MYO9A: variants seen among roughly 807,000 people sequenced by gnomAD.
MYO9A encodes the protein unconventional myosin-IXa.
Under a neutral mutation model 293.3 loss-of-function variants are expected in MYO9A, and 103 were observed. That is an observed-to-expected ratio of 0.35 (90% CI 0.30 to 0.41). MYO9A has a LOEUF of 0.41. Ranked by LOEUF, MYO9A falls within the 10% of genes least tolerant of loss-of-function variation. MYO9A has a pLI of 1.00. For missense variants in MYO9A, 2,685 were observed against 3,033.0 expected (o/e 0.89, Z 2.69); for synonymous variants, 1,001 against 1,035.7 (o/e 0.97, Z 0.64).
intron 19 of MYO9A, among the ~76,000 whole-genome samples, chr15:71,909,765 T>C (rs953329663): frequency 3.3e-5 from 5 of 152,184 alleles, no homozygotes; most frequent in Non-Finnish European, 7.4e-5. Flanking sequence ...CCCCTGTTAC[T>C]GTTGTGAAAT....
At chr15:72,080,350 C>A (rs1479837505) in intron 1 of MYO9A, among the ~76,000 whole-genome samples, 1 of 96,764 alleles carries the variant, frequency 1.0e-5, no homozygotes. Flanking sequence ...TTTTAATTTT[C>A]CTTGATAAGG....
chr15:71,888,226 A>T (rs1177151372), intron 26 of MYO9A, 110 bp from the exon 27 acceptor site: 7 of 553,622 alleles, frequency 1.3e-5, no homozygotes, highest in Non-Finnish European at 2.2e-5. Flanking sequence ...CACACAAAAC[A>T]TTGATATTAT....
Position 71,826,102 on chromosome 15 carries a change from G to C in MYO9A, c.*478C>G, listed in dbSNP as rs934401030. On this transcript the variant is annotated 3_prime_UTR_variant, in exon 42 of 42. Transcript: ENST00000356056. The stretch of plus-strand genomic sequence containing the variant: ...GAGGGATTAGGCTTTTTGTTTGTAA[G>C]TAAGTTTTTGGAAAAAAATTATATT... 6.9e-6 allele frequency: 1 copy of C among 145,934 alleles called. No homozygotes were observed. The highest frequency in any genetic ancestry group is 2.5e-5 in the African/African-American group (1 of 39,646). 9.0% of individuals were successfully genotyped at this position (145,934 alleles called of 1,614,324 possible).
At chr15:71,831,047 A>T (rs1372690619) in intron 39 of MYO9A, among the ~76,000 whole-genome samples, 1 of 150,706 alleles carries the variant, frequency 6.6e-6, no homozygotes. Flanking sequence ...TGGCAAACTA[A>T]ACTTTTTAGG....
intron 39 of MYO9A, among the ~76,000 whole-genome samples, chr15:71,842,041 G>T (rs2055185417): frequency 1.3e-5 from 2 of 152,028 alleles, no homozygotes; most frequent in African/African-American, 2.4e-5. Context: ...ATGGAGAGAG[G>T]TCCATAACAA....
chr15:71,970,279 T>C (rs2075976612), intron 12 of MYO9A, among the ~76,000 whole-genome samples: 1 of 152,118 alleles, frequency 6.6e-6, no homozygotes, highest in African/African-American at 2.4e-5. Flanking sequence ...CCTTCCTAAA[T>C]GCCACCCTAC....
At chr15:71,979,914 C>T (rs148518542) in intron 11 of MYO9A, among the ~76,000 whole-genome samples, 58 of 152,280 alleles carry the variant, frequency 3.8e-4, no homozygotes, top group African/African-American at 1.3e-3. Context: ...CCAGGTGATG[C>T]TGATGCTATT....
chr15:71,949,604 T>C (rs1291305514), intron 15 of MYO9A, among the ~76,000 whole-genome samples: 1 of 151,984 alleles, frequency 6.6e-6, no homozygotes, highest in East Asian at 1.9e-4. Context: ...CAAACTTGCA[T>C]AGCTCAGCTA....
intron 11 of MYO9A, among the ~76,000 whole-genome samples, chr15:71,979,298 C>T (rs1015627096): frequency 8.5e-5 from 13 of 152,200 alleles, no homozygotes; most frequent in Admixed American, 1.3e-4. Flanking sequence ...ATAAAGGTCA[C>T]TCCCCAATGG....
At chr15:71,958,640 A>G (rs1233959158) in intron 14 of MYO9A, 1 of 152,114 alleles carries the variant, frequency 6.6e-6, no homozygotes, top group Non-Finnish European at 1.5e-5. Flanking sequence ...TGAACTATAC[A>G]TTTTTGCTTT....
intron 1 of MYO9A, among the ~76,000 whole-genome samples, chr15:72,079,532 A>G (rs1475225673): frequency 6.6e-6 from 1 of 152,220 alleles, no homozygotes; most frequent in Non-Finnish European, 1.5e-5. Flanking sequence ...GCAAGGTGAC[A>G]TATGGTCTAC....
chr15:71,979,846 C>G (rs550512435), intron 11 of MYO9A, among the ~76,000 whole-genome samples: 2 of 152,256 alleles, frequency 1.3e-5, no homozygotes, highest in South Asian at 4.2e-4. Flanking sequence ...GACTCCATCC[C>G]CAGAATTTCT....
chr15:72,059,428 T>C (rs1217767873), intron 1 of MYO9A, among the ~76,000 whole-genome samples: 1 of 152,258 alleles, frequency 6.6e-6, no homozygotes, highest in African/African-American at 2.4e-5. Flanking sequence ...ACATGACTTC[T>C]GTGACTTCAC....
chr15:71,904,514 G>A (rs542686919), intron 20 of MYO9A, among the ~76,000 whole-genome samples: 5 of 152,256 alleles, frequency 3.3e-5, no homozygotes, highest in South Asian at 4.1e-4. Flanking sequence ...TTAGCCGGGC[G>A]TGGTGGTGCA....
intron 12 of MYO9A, among the ~76,000 whole-genome samples, chr15:71,977,742 T>TA (rs1368306019): frequency 2.0e-5 from 3 of 151,024 alleles, no homozygotes; most frequent in Non-Finnish European, 3.0e-5. Context: ...CACACAGATA[T>TA]AAAAAAAAAT....
At chr15:71,912,358 C>T (rs1372658379) in intron 19 of MYO9A, among the ~76,000 whole-genome samples, 12 of 151,742 alleles carry the variant, frequency 7.9e-5, no homozygotes, top group Admixed American at 4.6e-4. Flanking sequence ...TGGGTTCAAG[C>T]GATTCTCCTG....
chr15:71,897,481 C>T lies in MYO9A; in HGVS notation c.5022G>A (p.Lys1674=). 1 of 1,612,640 alleles carries T rather than the reference C, an allele frequency of 6.2e-7. No homozygotes were observed. Among genetic ancestry groups the T allele is most frequent in the South Asian group, 1.1e-5 (1 of 90,888 alleles). Residue 1674 remains lysine (K), a synonymous_variant, in exon 25 of 42, where the codon AAG becomes AAA. Coordinates refer to ENST00000356056, the MANE Select transcript of MYO9A (RefSeq NM_006901.4). ...GNARPIFFTP[K]DNMSIPLVSK... is the part of the protein sequence containing the mutation. ...CTTACAGGGGAATACTCATATTGTC[C>T]TTTGGAGTGAAGAAAATGGGCCTAG... is the stretch of plus-strand genomic sequence containing the variant.
chr15:71,913,103 T>A (rs565132816), intron 19 of MYO9A, among the ~76,000 whole-genome samples: 1 of 152,250 alleles, frequency 6.6e-6, no homozygotes, highest in African/African-American at 2.4e-5. Flanking sequence ...CTCCTGAGAT[T>A]CCAATTACAT....
chr15:72,076,090 G>A (rs1453237433), intron 1 of MYO9A, among the ~76,000 whole-genome samples: 3 of 152,060 alleles, frequency 2.0e-5, no homozygotes, highest in Non-Finnish European at 4.4e-5. Flanking sequence ...GATCACTTGA[G>A]GTCAGGAGTT....
Sources: allele counts gnomAD v4.1 joint callset (sites outside exome capture counted in the v4.1 genomes callset), GRCh38; gene constraint gnomAD v4.1.1; transcripts MANE v1.5; gene names NCBI Gene and HGNC (gene_info 2026-07-23, HGNC 2026-07-21).